SYT16: variants seen among roughly 807,000 people sequenced by gnomAD.
The protein encoded by SYT16 is synaptotagmin 16.
A neutral mutation model predicts 61.4 loss-of-function variants in SYT16; 42 were observed. The ratio of observed to expected loss-of-function variants is 0.68; its 90% CI spans 0.53 to 0.89. The LOEUF is 0.89. Ranked by LOEUF, SYT16 falls within the 40% of genes least tolerant of loss-of-function variation. The pLI is 0.00. For synonymous variants in SYT16, 314 were observed against 302.3 expected, an observed-to-expected ratio of 1.04 and a Z score of -0.40; for missense variants, 804 against 807.3, an observed-to-expected ratio of 1.00 and a Z score of 0.05.
chr14:62,041,656 C>T (rs1404880733), intron 3 of SYT16, among the ~76,000 whole-genome samples: 2 of 152,124 alleles, frequency 1.3e-5, no homozygotes, highest in Non-Finnish European at 2.9e-5. Context: ...CAGGTGAGTG[C>T]CACCATGTCC....
chr14:61,885,967 T>G (rs1161932985), intron 1 of SYT16, among the ~76,000 whole-genome samples: 1 of 150,540 alleles, frequency 6.6e-6, no homozygotes, highest in East Asian at 1.9e-4. Flanking sequence ...TGTGGCAATT[T>G]TTTTTTTTTT....
chr14:61,943,962 A>T (rs529231236), intron 1 of SYT16, among the ~76,000 whole-genome samples: 1 of 152,372 alleles, frequency 6.6e-6, no homozygotes, highest in African/African-American at 2.4e-5. Context: ...TGCAGATGAC[A>T]TGATTGTACA....
At chr14:61,896,400 A>G (rs17099307) in intron 1 of SYT16, among the ~76,000 whole-genome samples, 4 of 152,184 alleles carry the variant, frequency 2.6e-5, no homozygotes, top group African/African-American at 9.7e-5. Context: ...TCATAGTGGA[A>G]AGGGTTTTGG....
intron 1 of SYT16, among the ~76,000 whole-genome samples, chr14:61,873,128 TC>T (rs2047381722): frequency 6.6e-6 from 1 of 152,328 alleles, no homozygotes. Context: ...GATAGATCCT[TC>T]CTGGGAAAAG....
chr14:61,899,140 C>T (rs1008300309), intron 1 of SYT16, among the ~76,000 whole-genome samples: 1 of 152,114 alleles, frequency 6.6e-6, no homozygotes, highest in Non-Finnish European at 1.5e-5. Context: ...CTTTGTGAGG[C>T]AGGTATTACT....
chr14:61,918,444 T>TG (rs1284181418), intron 1 of SYT16, among the ~76,000 whole-genome samples: 2 of 151,832 alleles, frequency 1.3e-5, no homozygotes, highest in African/African-American at 2.4e-5. Flanking sequence ...ATACAGAAGA[T>TG]GGGGGATAAA....
At chr14:61,978,142 C>T (rs2051899169) in intron 2 of SYT16, among the ~76,000 whole-genome samples, 1 of 152,154 alleles carries the variant, frequency 6.6e-6, no homozygotes, top group South Asian at 2.1e-4. Context: ...CAATGAAAGA[C>T]CCTTTTTTCA....
At chr14:61,884,370 G>A (rs1262782985) in intron 1 of SYT16, among the ~76,000 whole-genome samples, 1 of 152,174 alleles carries the variant, frequency 6.6e-6, no homozygotes, top group Non-Finnish European at 1.5e-5. Flanking sequence ...GTGATCAAAA[G>A]TAAGTTAATT....
intron 3 of SYT16, among the ~76,000 whole-genome samples, chr14:62,035,939 C>T (rs1029370645): frequency 1.3e-5 from 2 of 152,114 alleles, no homozygotes; most frequent in Non-Finnish European, 2.9e-5. Flanking sequence ...AAATATTTAT[C>T]GAGCAGCTGC....
intron 5 of SYT16, among the ~76,000 whole-genome samples, chr14:62,076,350 G>A (rs1030949010): frequency 2.9e-4 from 44 of 152,056 alleles, no homozygotes; most frequent in Non-Finnish European, 6.0e-4. Flanking sequence ...GAAGGAGAGA[G>A]GTGAATGGAT....
intron 3 of SYT16, among the ~76,000 whole-genome samples, chr14:62,025,881 A>T (rs28591646): frequency 0.097 from 13,535 of 139,514 alleles, 1,119 homozygotes; most frequent in African/African-American, 0.23. Context: ...GCAAATTGTT[A>T]AAAAAAAAAC....
chr14:61,898,126 A>G (rs1024207128), intron 1 of SYT16, among the ~76,000 whole-genome samples: 4 of 152,188 alleles, frequency 2.6e-5, no homozygotes, highest in Admixed American at 6.5e-5. Flanking sequence ...ATTGCAGAAA[A>G]TGTGCCAATT....
At chr14:61,914,749 C>T (rs777622169) in intron 1 of SYT16, among the ~76,000 whole-genome samples, 5 of 152,296 alleles carry the variant, frequency 3.3e-5, no homozygotes, top group Admixed American at 1.3e-4. Context: ...TATAAGCCAC[C>T]ATTATCCTTC....
chr14:61,873,802 A>T (rs1201462685), intron 1 of SYT16, among the ~76,000 whole-genome samples: 1 of 152,216 alleles, frequency 6.6e-6, no homozygotes, highest in Non-Finnish European at 1.5e-5. Flanking sequence ...AAGTAGGATG[A>T]TGTCTTCCTC....
chr14:62,050,966 C>T (rs536628198), intron 3 of SYT16, among the ~76,000 whole-genome samples: 7 of 152,294 alleles, frequency 4.6e-5, no homozygotes, highest in African/African-American at 1.2e-4. Context: ...TCTCAAGCTG[C>T]GTGCTGGGAG....
At chr14:61,949,451 C>G (rs2050579887) in intron 1 of SYT16, among the ~76,000 whole-genome samples, 1 of 152,022 alleles carries the variant, frequency 6.6e-6, no homozygotes, top group African/African-American at 2.4e-5. Flanking sequence ...CTTTTCTTTT[C>G]CTTTTTTAAA....
At chr14:62,087,939 T>C (rs2056942578) in intron 7 of SYT16, among the ~76,000 whole-genome samples, 1 of 152,168 alleles carries the variant, frequency 6.6e-6, no homozygotes, top group South Asian at 2.1e-4. Context: ...GAGCCTCCAC[T>C]GCACAGCCCC....
chr14:61,957,474 A>C (rs1437804208), intron 1 of SYT16, among the ~76,000 whole-genome samples: 1 of 151,922 alleles, frequency 6.6e-6, no homozygotes, highest in East Asian at 1.9e-4. Flanking sequence ...TTGTTGAAGT[A>C]AGTTCCTTCT....
At chr14:61,812,901 G>A (rs1199288515) in intron 1 of SYT16, 91 bp downstream of exon 1, 4 of 152,306 alleles carry the variant, frequency 2.6e-5, no homozygotes, top group African/African-American at 9.6e-5. Context: ...CCTTTGTGCT[G>A]GCTCGCGGCA....
Sources: gnomAD v4.1 joint callset for allele counts (sites outside exome capture counted in the v4.1 genomes callset) on GRCh38, gnomAD v4.1.1 for gene constraint, MANE v1.5 for transcripts, NCBI Gene and HGNC (gene_info 2026-07-23, HGNC 2026-07-21) for gene names.